ARHGEF37: variants seen among roughly 807,000 people sequenced by gnomAD.
ARHGEF37 encodes Rho guanine nucleotide exchange factor 37.
ARHGEF37 carries 55 observed loss-of-function variants against 71.1 expected under a neutral mutation model. The ratio of observed to expected loss-of-function variants is 0.77; its 90% CI spans 0.62 to 0.97. The LOEUF is 0.97. Ranked by LOEUF, ARHGEF37 falls within the 50% of genes least tolerant of loss-of-function variation. The probability of loss-of-function intolerance (pLI) is 0.00; values close to 1 mark genes in which losing one functional copy is unlikely to be tolerated. For missense variants in ARHGEF37, 765 were observed against 836.8 expected (o/e 0.91, Z 1.06); for synonymous variants, 327 against 350.6 (o/e 0.93, Z 0.75).
intron 3 of ARHGEF37, 107 bp downstream of exon 3, chr5:149,601,338 A>G (rs769033497): frequency 8.5e-5 from 116 of 1,364,526 alleles, no homozygotes; most frequent in Non-Finnish European, 1.0e-4. Context: ...ATGCAGCTCA[A>G]CGGCAGTCTG....
intron 1 of ARHGEF37, among the ~76,000 whole-genome samples, chr5:149,569,258 T>G (rs1256866770): frequency 6.6e-6 from 1 of 152,034 alleles, no homozygotes; most frequent in Non-Finnish European, 1.5e-5. Context: ...AAATACCAAC[T>G]AGTTGAATTG....
At chr5:149,552,853 G>A (rs1321055910) in intron 1 of ARHGEF37, among the ~76,000 whole-genome samples, 1 of 151,914 alleles carries the variant, frequency 6.6e-6, no homozygotes, top group Non-Finnish European at 1.5e-5. Context: ...TAATTAAATA[G>A]AAATGGGAGA....
At chr5:149,591,487 G>T (rs1763404912) in intron 1 of ARHGEF37, among the ~76,000 whole-genome samples, 1 of 152,196 alleles carries the variant, frequency 6.6e-6, no homozygotes. Context: ...GGACTCAAGT[G>T]ATCCTCCCTC....
chr5:149,611,832 T>A (rs1475267044), intron 4 of ARHGEF37, among the ~76,000 whole-genome samples: 1 of 152,358 alleles, frequency 6.6e-6, no homozygotes, highest in East Asian at 1.9e-4. Context: ...ATACATTTAC[T>A]ATCCTAAGAC....
chr5:149,622,607 C>T (rs914130886), intron 9 of ARHGEF37, among the ~76,000 whole-genome samples: 2 of 152,128 alleles, frequency 1.3e-5, no homozygotes, highest in East Asian at 3.9e-4. Flanking sequence ...GGTAAAGTAG[C>T]TTGTCTAGGG....
At chr5:149,554,652 T>G (rs1015690041) in intron 1 of ARHGEF37, among the ~76,000 whole-genome samples, 8 of 151,980 alleles carry the variant, frequency 5.3e-5, no homozygotes, top group African/African-American at 9.7e-5. Context: ...AAATTGTTTT[T>G]TTTTTTTTTT....
In ARHGEF37 at chr5:149,633,901, G is replaced by C. The variant is rs1450177483; in HGVS notation, c.*1710G>C. The C allele has an allele frequency of 6.6e-6, 1 of 152,224 alleles. No homozygotes were observed. Among genetic ancestry groups the C allele is most frequent in the Non-Finnish European group, 1.5e-5 (1 of 68,046 alleles). The allele number at this position is 152,224 out of a possible 1,614,324, so 9.4% of individuals were successfully genotyped here. A position where few individuals can be genotyped will look rare whatever the true frequency, so the allele number is the denominator to read the frequency against. On this transcript the variant is annotated 3_prime_UTR_variant, in exon 13 of 13. Coordinates refer to ENST00000333677, the MANE Select transcript of ARHGEF37 (RefSeq NM_001001669.3). ...TCCTTTCTCAGCAGCGAATTCACTT[G>C]AGAGGATGCTCTTGACTCATTCTCT...
chr5:149,577,357 G>A (rs540487248), upstream of ARHGEF37, among the ~76,000 whole-genome samples: 7 of 152,280 alleles, frequency 4.6e-5, no homozygotes, highest in South Asian at 4.1e-4. Context: ...TCCCAAGACT[G>A]AGACTCTAAA....
Position 149,594,250 on chromosome 5 carries a change from T to C in ARHGEF37, c.-11-3509T>C, listed in dbSNP as rs191462173. 5.6e-3 allele frequency among the ~76,000 whole-genome samples: 860 copies of C among 152,366 alleles called. 6 individuals carry two copies. Among genetic ancestry groups the C allele is most frequent in the Middle Eastern group, 0.01 (3 of 294 alleles). On this transcript the variant is annotated intron_variant, in intron 1 of 12. Coordinates refer to ENST00000333677, the MANE Select transcript of ARHGEF37 (RefSeq NM_001001669.3). Reference sequence around the variant, plus strand: ...GTCTTTAGTAGTTCTCTGTAAAGTATTTCTCATGATTTTATTTATTTAGCA... The same window carrying C: ...GTCTTTAGTAGTTCTCTGTAAAGTACTTCTCATGATTTTATTTATTTAGCA...
Position 149,597,740 on chromosome 5 carries a change from A to G in ARHGEF37, c.-11-19A>G. ...TAGTTCTTCCTGGAAGTGAGTGGGG[A>G]TGCTTTTGCTTTTCCCAGAACCTGC... On this transcript the variant is annotated intron_variant, in intron 1 of 12. Coordinates refer to ENST00000333677, the MANE Select transcript of ARHGEF37 (RefSeq NM_001001669.3). 6.6e-7 allele frequency: 1 copy of G among 1,512,150 alleles called. No individual in the cohort carries two copies. The highest frequency in any genetic ancestry group is 1.4e-5 in the South Asian group (1 of 73,936). The allele number at this position is 1,512,150 out of a possible 1,614,324, so 93.7% of individuals were successfully genotyped here.
intron 1 of ARHGEF37, among the ~76,000 whole-genome samples, chr5:149,568,951 A>C (rs908783668): frequency 6.6e-6 from 1 of 151,558 alleles, no homozygotes; most frequent in Non-Finnish European, 1.5e-5. Flanking sequence ...TGTTTTCCCT[A>C]TTCTAAAAAA....
intron 1 of ARHGEF37, among the ~76,000 whole-genome samples, chr5:149,567,740 A>C (rs1304174837): frequency 2.0e-5 from 3 of 152,184 alleles, no homozygotes; most frequent in Non-Finnish European, 4.4e-5. Flanking sequence ...TTCTTTTAAC[A>C]TGTCCCCTTA....
chr5:149,561,552 G>A (rs558574937), intron 1 of ARHGEF37, among the ~76,000 whole-genome samples: 2 of 152,302 alleles, frequency 1.3e-5, no homozygotes, highest in East Asian at 3.9e-4. Flanking sequence ...CCAGAGATAT[G>A]TCCTGACAGG....
At chr5:149,573,042 G>T (rs940293445) in intron 1 of ARHGEF37, among the ~76,000 whole-genome samples, 1 of 152,150 alleles carries the variant, frequency 6.6e-6, no homozygotes, top group African/African-American at 2.4e-5. Context: ...AGGTCAAAGC[G>T]GAAGTAGACA....
chr5:149,576,072 C>A (rs969769117), intron 1 of ARHGEF37, among the ~76,000 whole-genome samples: 2 of 152,038 alleles, frequency 1.3e-5, no homozygotes, highest in Admixed American at 6.6e-5. Context: ...GTGGTGAAAC[C>A]CCATCTCTAC....
chr5:149,565,854 TTTTTTTTTTTG>T (rs1317682800), intron 1 of ARHGEF37, among the ~76,000 whole-genome samples: 6 of 132,724 alleles, frequency 4.5e-5, no homozygotes, highest in African/African-American at 1.5e-4. Flanking sequence ...TTTTTTTTTT[TTTTTTTTTTTG>T]TGAGACAGAG....
chr5:149,601,595 A>G (rs1393156027), intron 3 of ARHGEF37, among the ~76,000 whole-genome samples: 1 of 152,240 alleles, frequency 6.6e-6, no homozygotes, highest in Non-Finnish European at 1.5e-5. Flanking sequence ...CTGAGCTTCT[A>G]TTCTCATGGG....
At chr5:149,623,665 C>T (rs1056014950) in intron 9 of ARHGEF37, among the ~76,000 whole-genome samples, 2 of 152,166 alleles carry the variant, frequency 1.3e-5, no homozygotes, top group African/African-American at 4.8e-5. Flanking sequence ...GCCAGCCTGC[C>T]TTATCTGTGT....
chr5:149,627,706 C>A (rs576997660), intron 11 of ARHGEF37, among the ~76,000 whole-genome samples: 13 of 152,312 alleles, frequency 8.5e-5, no homozygotes, highest in African/African-American at 3.1e-4. Flanking sequence ...GATCATCCTG[C>A]CCACTCCATA....
Sources: gnomAD v4.1 joint callset for allele counts (sites outside exome capture counted in the v4.1 genomes callset) on GRCh38, gnomAD v4.1.1 for gene constraint, MANE v1.5 for transcripts, NCBI Gene and HGNC (gene_info 2026-07-23, HGNC 2026-07-21) for gene names.